MLLT6: variants seen among roughly 807,000 people sequenced by gnomAD.
MLLT6 encodes protein AF-17.
A neutral mutation model predicts 103.0 loss-of-function variants in MLLT6; 22 were observed. That is an observed-to-expected ratio of 0.21 (90% CI 0.15 to 0.31). MLLT6 has a LOEUF of 0.31. MLLT6 is among the 10% of genes least tolerant of loss of function. MLLT6 has a pLI of 1.00. For synonymous variants in MLLT6, 606 were observed against 623.5 expected, an observed-to-expected ratio of 0.97 and a Z score of 0.42; for missense variants, 1,199 against 1,441.7, an observed-to-expected ratio of 0.83 and a Z score of 2.73.
intron 1 of MLLT6, 72 bp from the exon 2 acceptor site, chr17:38,706,878 C>G (rs1311718230): frequency 3.0e-6 from 4 of 1,335,066 alleles, no homozygotes; most frequent in East Asian, 2.4e-5. Flanking sequence ...GAGTCACCGC[C>G]TTCCCCCAGT....
Position 38,712,754 on chromosome 17 carries a change from A to G in MLLT6, c.784A>G (p.Ile262Val). 1 of 1,613,824 alleles carries G rather than the reference A, an allele frequency of 6.2e-7. No homozygotes were observed. Among genetic ancestry groups the G allele is most frequent in the Non-Finnish European group, 8.5e-7 (1 of 1,179,814 alleles). ...HKKRPESPPS[I>V]LTPPVVPTAD... ...GAAGCGGCCTGAGTCGCCCCCCAGC[A>G]TCCTCACCCCGCCCGTGGTCCCCAC... Residue 262 changes from isoleucine to valine, a missense_variant, in exon 8 of 20, where the codon ATC becomes GTC. This residue lies in a region of MLLT6 where 1,034 missense variants were observed against 1,091.5 expected (regional missense o/e 0.95). Coordinates refer to ENST00000621332, the MANE Select transcript of MLLT6 (RefSeq NM_005937.4).
chr17:38,716,205 G>C lies in MLLT6; in HGVS notation c.1037-162G>C. ...TATTACAGGTGGGAAAGCTGGAGGGGTCGGGGGTACTCATCCCAGGACACA... is the reference window on the plus strand; with the variant it reads ...TATTACAGGTGGGAAAGCTGGAGGGCTCGGGGGTACTCATCCCAGGACACA... On this transcript the variant is annotated intron_variant, in intron 9 of 19. Coordinates refer to ENST00000621332, the MANE Select transcript of MLLT6 (RefSeq NM_005937.4). This position sits in a 1 kb window ranked among gnomAD's most constrained non-coding sequence, Gnocchi z 5.6. 1.4e-6 allele frequency: 1 copy of C among 716,844 alleles called. No individual in the cohort carries two copies. The highest frequency in any genetic ancestry group is 2.3e-6 in the Non-Finnish European group (1 of 443,062). The allele number at this position is 716,844 out of a possible 1,614,324, so 44.4% of individuals were successfully genotyped here.
chr17:38,713,419 A>G, intron 8 of MLLT6: 1 of 256,828 alleles, frequency 3.9e-6, no homozygotes, highest in Non-Finnish European at 7.3e-6. Context: ...CCTGCTCCCT[A>G]CAACCTGCCC....
At chr17:38,714,215 C>G (rs762326459) in intron 8 of MLLT6, 2 of 152,236 alleles carry the variant, frequency 1.3e-5, no homozygotes, top group Non-Finnish European at 2.9e-5. Flanking sequence ...CCTAAAAGCA[C>G]ACAGCTAGTA....
At position 38,717,847 on chromosome 17, in the gene MLLT6, G is replaced by T; in HGVS notation, c.1836G>T (p.Val612=). 8 of 1,611,808 alleles carry T rather than the reference G, an allele frequency of 5.0e-6. No homozygotes were observed. The highest frequency in any genetic ancestry group is 6.8e-6 in the Non-Finnish European group (8 of 1,177,982). The part of the protein sequence containing the change: ...SSSASISTTQ[V]FSLAGSTFSL... ...GGGATTCTACCTCCCTCCCTTAGGTGTTTTCTCTGGCTGGCTCTACCTTTA... is the reference window on the plus strand; with the variant it reads ...GGGATTCTACCTCCCTCCCTTAGGTTTTTTCTCTGGCTGGCTCTACCTTTA... Residue 612 remains valine, a splice_region_variant and synonymous_variant, in exon 12 of 20, where the codon GTG becomes GTT. Coordinates refer to ENST00000621332, the MANE Select transcript of MLLT6 (RefSeq NM_005937.4).
intron 6 of MLLT6, among the ~76,000 whole-genome samples, chr17:38,711,054 GC>G (rs1905126412): frequency 6.6e-6 from 1 of 152,148 alleles, no homozygotes; most frequent in Admixed American, 6.5e-5. Context: ...AGGGTATGGG[GC>G]TCTGCAGGTA....
intron 16 of MLLT6, among the ~76,000 whole-genome samples, chr17:38,721,330 C>T (rs1245956990): frequency 6.6e-6 from 1 of 152,028 alleles, no homozygotes; most frequent in Admixed American, 6.6e-5. Flanking sequence ...TTTGTCATGC[C>T]CTATGCAAAA....
chr17:38,724,985 G>A lies in MLLT6; in HGVS notation c.3240+9G>A. 3 of 1,492,810 alleles carry A rather than the reference G, an allele frequency of 2.0e-6. No individual in the cohort carries two copies. Among genetic ancestry groups the A allele is most frequent in the Non-Finnish European group, 2.7e-6 (3 of 1,108,518 alleles). The allele number at this position is 1,492,810 out of a possible 1,614,324, so 92.5% of individuals were successfully genotyped here. Reference sequence around the variant, plus strand: ...GTGGCCCCAAAGGAGGGGTGAGTAAGGGGCCCGGGGCCTTCCTGCCTCCCC... The same window carrying A: ...GTGGCCCCAAAGGAGGGGTGAGTAAAGGGCCCGGGGCCTTCCTGCCTCCCC... On this transcript the variant is annotated intron_variant, in intron 19 of 19. Transcript: ENST00000621332. This position sits in a 1 kb window ranked among gnomAD's most constrained non-coding sequence, Gnocchi z 5.4.
In MLLT6 at chr17:38,728,333, A is replaced by C. The variant is rs534116552; in HGVS notation, c.*2735A>C. 7 of 233,106 alleles carry C rather than the reference A, an allele frequency of 3.0e-5. No homozygotes were observed. Among genetic ancestry groups the C allele is most frequent in the Admixed American group, 5.6e-5 (1 of 17,782 alleles). 14.4% of individuals were successfully genotyped at this position (233,106 alleles called of 1,614,324 possible). ...TCTCCTAACCTCAGTCCCTTTTTTG[A>C]GAGTGAATGGTGGAGGGTGGGAAGG... is the stretch of plus-strand genomic sequence containing the variant. On this transcript the variant is annotated 3_prime_UTR_variant, in exon 20 of 20. Coordinates refer to ENST00000621332, the MANE Select transcript of MLLT6 (RefSeq NM_005937.4).
chr17:38,708,105 C>G (rs927359516), intron 4 of MLLT6: 2 of 553,402 alleles, frequency 3.6e-6, no homozygotes, highest in Non-Finnish European at 3.2e-6. Context: ...GGTAGACCTT[C>G]GCAGTTACTT....
At position 38,716,798 on chromosome 17, in the gene MLLT6, A is replaced by C; in HGVS notation, c.1468A>C (p.Thr490Pro). The C allele has an allele frequency of 6.2e-7, 1 of 1,611,522 alleles. No homozygotes were observed. The highest frequency in any genetic ancestry group is 8.5e-7 in the Non-Finnish European group (1 of 1,178,888). The change falls in exon 10 of 20, where the codon ACT becomes CCT. Residue 490 changes from threonine to proline, a missense_variant. Coordinates refer to ENST00000621332, the MANE Select transcript of MLLT6 (RefSeq NM_005937.4). The surrounding 1 kb of genome is among the most constrained non-coding windows in gnomAD (Gnocchi z 5.6). ...RPKGSRNKEG[T>P]GGPAAPSLPS... Reference sequence around the variant, plus strand: ...CAAGGGCAGCCGGAACAAGGAGGGCACTGGGGGCCCAGCTGCCCCATCCTT... The same window carrying C: ...CAAGGGCAGCCGGAACAAGGAGGGCCCTGGGGGCCCAGCTGCCCCATCCTT...
chr17:38,716,563 C>T lies in MLLT6; in HGVS notation c.1233C>T (p.Thr411=), dbSNP rs770848585. ...SGFGPIMRFS[T]TTSSSGRARA... is the part of the protein sequence containing the mutation. The stretch of plus-strand genomic sequence containing the variant: ...TTGGGCCCATCATGCGCTTCTCCAC[C>T]ACCACCTCCAGCTCAGGCCGGGCCC... The change falls in exon 10 of 20, where the codon ACC becomes ACT. Residue 411 remains threonine, a synonymous_variant. Transcript: ENST00000621332. This position sits in a 1 kb window ranked among gnomAD's most constrained non-coding sequence, Gnocchi z 5.6. 1.2e-6 allele frequency: 2 copies of T among 1,614,124 alleles called. No individual in the cohort carries two copies. The highest frequency in any genetic ancestry group is 2.2e-5 in the South Asian group (2 of 91,088).
Position 38,720,750 on chromosome 17 carries a change from G to A in MLLT6, c.2442+3G>A, listed in dbSNP as rs1905682009. On this transcript the variant is annotated splice_donor_region_variant and intron_variant, in intron 16 of 19. Coordinates refer to ENST00000621332, the MANE Select transcript of MLLT6 (RefSeq NM_005937.4). ...ACTCGCTGTCCACTTCTTCTGAGGT[G>A]GGCGCTACGAGGAGTGGGGCAGGAA... 3 of 1,613,400 alleles carry A rather than the reference G, an allele frequency of 1.9e-6. No individual in the cohort carries two copies. Among genetic ancestry groups the A allele is most frequent in the South Asian group, 1.1e-5 (1 of 91,084 alleles).
intron 8 of MLLT6, chr17:38,713,040 G>T (rs1191091465): frequency 1.3e-6 from 1 of 776,224 alleles, no homozygotes; most frequent in Non-Finnish European, 2.4e-6. Flanking sequence ...CCTCTGTCCA[G>T]AGGGCCTCAG....
At position 38,719,906 on chromosome 17, in the gene MLLT6, G is replaced by A. The variant is rs369111006; in HGVS notation, c.2155+11G>A. 13 of 1,565,238 alleles carry A rather than the reference G, an allele frequency of 8.3e-6. No homozygotes were observed. In the African/African-American group the frequency reaches 1.8e-4, roughly 21 times the overall value. ...AGGCCGGCGTCAACAGTGAGGAGGG[G>A]TGGCGCCGGTCGGGACGCCTGCCCT... is the stretch of plus-strand genomic sequence containing the variant. On this transcript the variant is annotated intron_variant, in intron 14 of 19. Transcript: ENST00000621332.
chr17:38,715,788 C>T lies in MLLT6; in HGVS notation c.996C>T (p.Ser332=), dbSNP rs777393853. 4 of 1,607,860 alleles carry T rather than the reference C, an allele frequency of 2.5e-6. No individual in the cohort carries two copies. Among genetic ancestry groups the T allele is most frequent in the Non-Finnish European group, 3.4e-6 (4 of 1,176,826 alleles). Residue 332 remains serine (S), a synonymous_variant, in exon 9 of 20, where the codon TCC becomes TCT. Transcript: ENST00000621332. The part of the protein sequence containing the change: ...SSFTSASSSS[S]SSSSSSGGPF... ...TTACCTCCGCCTCCTCTTCTTCCTC[C>T]TCCTCTTCCTCCTCCTCTGGGGGGC...
intron 12 of MLLT6, 80 bp from the exon 13 acceptor site, chr17:38,719,437 A>G: frequency 3.2e-6 from 4 of 1,234,276 alleles, no homozygotes; most frequent in Non-Finnish European, 4.7e-6. Flanking sequence ...TGAGGTCCCA[A>G]TCCCATATCC....
intron 8 of MLLT6, 100 bp downstream of exon 8, chr17:38,712,889 CT>C: frequency 1.2e-6 from 1 of 813,292 alleles, no homozygotes; most frequent in Non-Finnish European, 2.2e-6. Context: ...CCTGGGCACC[CT>C]CCCCACAGCT....
Position 38,709,150 on chromosome 17 carries a change from G to A in MLLT6, c.355-23G>A, listed in dbSNP as rs748259194. The A allele has an allele frequency of 6.3e-7, 1 of 1,592,132 alleles. No homozygotes were observed. The highest frequency in any genetic ancestry group is 1.8e-5 in the Admixed American group (1 of 56,860). ...AGAACAGGGGCTCCCTGGAGGAGGG[G>A]ACGATTGCGCTGTGTCCTGCAGACC... On this transcript the variant is annotated intron_variant, in intron 4 of 19. Transcript: ENST00000621332. The surrounding 1 kb of genome is among the most constrained non-coding windows in gnomAD (Gnocchi z 4.3).
Sources: gnomAD v4.1 joint callset for allele counts (sites outside exome capture counted in the v4.1 genomes callset) on GRCh38, gnomAD v4.1.1 for gene constraint, gnomAD v4.1.1 regional missense constraint, Gnocchi (gnomAD v3.1) non-coding constraint, MANE v1.5 for transcripts, NCBI Gene and HGNC (gene_info 2026-07-23, HGNC 2026-07-21) for gene names.